MINDY3: variants seen among roughly 807,000 people sequenced by gnomAD.
MINDY3 encodes the protein ubiquitin carboxyl-terminal hydrolase MINDY-3.
Under a neutral mutation model 69.2 loss-of-function variants are expected in MINDY3, and 38 were observed. That is an observed-to-expected ratio of 0.55 (90% CI 0.42 to 0.72). MINDY3 has a LOEUF of 0.72. MINDY3 is among the 30% of genes least tolerant of loss of function. MINDY3 has a pLI of 0.00. For missense variants in MINDY3, 522 were observed against 519.0 expected (o/e 1.01, Z -0.06); for synonymous variants, 192 against 180.1 (o/e 1.07, Z -0.53).
chr10:15,793,097 T>C (rs985534337), intron 11 of MINDY3, among the ~76,000 whole-genome samples: 5 of 152,150 alleles, frequency 3.3e-5, no homozygotes, highest in Admixed American at 6.6e-5. Flanking sequence ...TTTGATCATA[T>C]TAATATATCT....
chr10:15,828,781 C>T (rs143998828), intron 8 of MINDY3, among the ~76,000 whole-genome samples: 1,700 of 152,250 alleles, frequency 0.011, 11 homozygotes, highest in Non-Finnish European at 0.019. Flanking sequence ...GAAAAAAATA[C>T]GTTTACTAAC....
intron 3 of MINDY3, among the ~76,000 whole-genome samples, chr10:15,842,614 T>A (rs1484082620): frequency 1.3e-5 from 2 of 151,780 alleles, no homozygotes; most frequent in African/African-American, 4.8e-5. Context: ...AAAACTGGGA[T>A]TGTAATGTGT....
chr10:15,829,242 G>A (rs1434812632), intron 8 of MINDY3, among the ~76,000 whole-genome samples: 1 of 152,184 alleles, frequency 6.6e-6, no homozygotes, highest in Non-Finnish European at 1.5e-5. Context: ...GGGGCCAGAT[G>A]GAATGAGCAG....
chr10:15,787,201 T>C (rs530997900), intron 12 of MINDY3, among the ~76,000 whole-genome samples: 2 of 152,246 alleles, frequency 1.3e-5, no homozygotes, highest in African/African-American at 4.8e-5. Flanking sequence ...TAATGCGTCA[T>C]GAATGACAGT....
In MINDY3 at chr10:15,813,992, AAAG is replaced by A. The variant is rs1326796234; in HGVS notation, c.882+2840_882+2842del. Among the ~76,000 whole-genome samples the A allele has an allele frequency of 4.6e-5, 7 of 151,478 alleles. No individual in the cohort carries two copies. The South Asian group carries it at 6.2e-4, about 13-fold the overall frequency. On this transcript the variant is annotated intron_variant, in intron 10 of 14. Transcript: ENST00000277632. The stretch of plus-strand genomic sequence containing the variant: ...TCACCAAAACTCAAAAAAAAAAAAA[AAAG>A]AAAAAGAAAAAAGAAAAACCCACAG...
chr10:15,821,523 G>C, intron 9 of MINDY3, 133 bp downstream of exon 9: 2 of 593,000 alleles, frequency 3.4e-6, no homozygotes, highest in South Asian at 2.8e-5. Flanking sequence ...TAGGGTGGGG[G>C]ATAGGAAGGA....
rs779000415 is a variant in MINDY3, at chr10:15,821,680, T to C, written c.777A>G (p.Leu259=). 4 of 1,611,296 alleles carry C rather than the reference T, an allele frequency of 2.5e-6. No individual in the cohort carries two copies. The Admixed American group carries it at 6.7e-5, about 27-fold the overall frequency. Residue 259 remains leucine (L), a synonymous_variant, in exon 9 of 15, where the codon CTA becomes CTG. Transcript: ENST00000277632. ...HEQAAVGFLT[L]MEALRYCKVG... is the part of the protein sequence containing the mutation. ...CCTTACAGTATCTTAAAGCTTCCAT[T>C]AGTGTTAAAAATCCTACTGCTGCTT...
intron 10 of MINDY3, among the ~76,000 whole-genome samples, chr10:15,807,672 A>G (rs1838731115): frequency 6.6e-6 from 1 of 152,144 alleles, no homozygotes; most frequent in African/African-American, 2.4e-5. Context: ...AGGCCCTTCC[A>G]TCAGTATTTT....
intron 14 of MINDY3, among the ~76,000 whole-genome samples, chr10:15,780,468 T>C (rs1017757671): frequency 6.6e-6 from 1 of 152,174 alleles, no homozygotes; most frequent in African/African-American, 2.4e-5. Flanking sequence ...TTAAATACAA[T>C]CGGCCCTATT....
intron 10 of MINDY3, among the ~76,000 whole-genome samples, chr10:15,801,894 C>A (rs1177446915): frequency 6.6e-6 from 1 of 151,744 alleles, no homozygotes; most frequent in East Asian, 1.9e-4. Context: ...CTAACAGATA[C>A]CACATCAGAA....
Position 15,789,252 on chromosome 10 carries a change from A to G in MINDY3, c.1023T>C (p.Pro341=), listed in dbSNP as rs1469222389. ...VMKALDLVSD[P]EYINLMKNKL... ...ACACTTCCTATTTAGCTTACTATTCAGGATCTGAAACAAGGTCCAATGCTT... is the reference window on the plus strand; with the variant it reads ...ACACTTCCTATTTAGCTTACTATTCGGGATCTGAAACAAGGTCCAATGCTT... The change falls in exon 12 of 15, where the codon CCT becomes CCC. Residue 341 remains proline, a synonymous_variant. Transcript: ENST00000277632. 12 of 1,609,140 alleles carry G rather than the reference A, an allele frequency of 7.5e-6. No individual in the cohort carries two copies. Among genetic ancestry groups the G allele is most frequent in the Admixed American group, 1.7e-5 (1 of 59,880 alleles).
rs1839734199 is a variant in MINDY3, at chr10:15,821,215, T to C, written c.801+441A>G. On this transcript the variant is annotated intron_variant, in intron 9 of 14. Transcript: ENST00000277632. ...ATTTTTTTCAGTGTGAAATCATTTT[T>C]CAGATGGAATAGATAAAAGTCAGAA... 3.3e-5 allele frequency among the ~76,000 whole-genome samples: 5 copies of C among 152,330 alleles called. No homozygotes were observed. In the South Asian group the frequency reaches 1.0e-3, roughly 32 times the overall value.
chr10:15,800,593 TGAA>T lies in MINDY3; in HGVS notation c.883-4424_883-4422del, dbSNP rs1445415969. Among the ~76,000 whole-genome samples the T allele has an allele frequency of 2.6e-5, 4 of 152,078 alleles. No homozygotes were observed. In the East Asian group the frequency reaches 5.8e-4, roughly 22 times the overall value. On this transcript the variant is annotated intron_variant, in intron 10 of 14. Transcript: ENST00000277632. ...ATGTTTAGTGCAATACTGTAACTCT[TGAA>T]AAAAAACCATGGAACCCATATGAAG...
In MINDY3 at chr10:15,820,357, G is replaced by A. The variant is rs114104853; in HGVS notation, c.801+1299C>T. Among the ~76,000 whole-genome samples, 541 of 152,106 alleles carry A rather than the reference G, an allele frequency of 3.6e-3. 5 individuals carry two copies. The highest frequency in any genetic ancestry group is 0.013 in the African/African-American group (521 of 41,486). On this transcript the variant is annotated intron_variant, in intron 9 of 14. Transcript: ENST00000277632. ...GCAACGCAACTGCAAAGACCACCAG[G>A]GTCTTAAGGGATACACAGGAAATAT...
chr10:15,833,604 A>G, intron 8 of MINDY3, 26 bp downstream of exon 8: 1 of 1,379,910 alleles, frequency 7.2e-7, no homozygotes, highest in Non-Finnish European at 1.0e-6. Context: ...CATCAAAGAG[A>G]GCAACATAAC....
intron 8 of MINDY3, among the ~76,000 whole-genome samples, chr10:15,825,010 A>G (rs1839997896): frequency 6.6e-6 from 1 of 152,214 alleles, no homozygotes; most frequent in Non-Finnish European, 1.5e-5. Flanking sequence ...GTTGTAATAC[A>G]GTGAGGATTT....
intron 2 of MINDY3, 114 bp downstream of exon 2, chr10:15,847,750 G>C (rs944723021): frequency 1.6e-6 from 1 of 620,138 alleles, no homozygotes; most frequent in African/African-American, 1.8e-5. Flanking sequence ...CAAAAGTTAA[G>C]AGTTAATTGA....
At chr10:15,827,093 G>C (rs993646535) in intron 8 of MINDY3, among the ~76,000 whole-genome samples, 1 of 150,054 alleles carries the variant, frequency 6.7e-6, no homozygotes, top group Non-Finnish European at 1.5e-5. Context: ...CTATGGCCTG[G>C]GTGACAGAGC....
At chr10:15,793,188 A>G (rs1837551403) in intron 11 of MINDY3, among the ~76,000 whole-genome samples, 2 of 152,148 alleles carry the variant, frequency 1.3e-5, no homozygotes, top group African/African-American at 4.8e-5. Flanking sequence ...TTCCACAAAA[A>G]AGACACACAA....
Sources: allele counts gnomAD v4.1 joint callset (sites outside exome capture counted in the v4.1 genomes callset), GRCh38; gene constraint gnomAD v4.1.1; transcripts MANE v1.5; gene names NCBI Gene and HGNC (gene_info 2026-07-23, HGNC 2026-07-21).